The following MYO3B variants were observed in gnomAD, a reference collection of about 807,000 sequenced individuals.
The protein encoded by MYO3B is myosin-IIIb.
In MYO3B, 156 loss-of-function variants were observed where a neutral mutation model predicts 174.6. That is an observed-to-expected ratio of 0.89 (90% CI 0.78 to 1.02). MYO3B has a LOEUF of 1.02. Ranked by LOEUF, MYO3B falls within the 50% of genes least tolerant of loss-of-function variation. The pLI is 0.00. For missense variants in MYO3B, 1,632 were observed against 1,639.4 expected (o/e 1.00, Z 0.08); for synonymous variants, 563 against 569.1 (o/e 0.99, Z 0.15).
rs2092808470 is a variant in MYO3B, at chr2:170,214,674, T to C, written c.427-55T>C. ...TAGGGTAATTGCTTTAAAATAAGCATGTAAATTTCCCCTTTCTCTTTCCTG... is the reference window on the plus strand; with the variant it reads ...TAGGGTAATTGCTTTAAAATAAGCACGTAAATTTCCCCTTTCTCTTTCCTG... On this transcript the variant is annotated intron_variant, in intron 4 of 34. Coordinates refer to ENST00000408978, the MANE Select transcript of MYO3B (RefSeq NM_138995.5). The C allele has an allele frequency of 5.9e-6, 9 of 1,516,232 alleles. No homozygotes were observed. The East Asian group carries it at 1.6e-4, about 27-fold the overall frequency. The allele number at this position is 1,516,232 out of a possible 1,614,324, so 93.9% of individuals were successfully genotyped here.
At chr2:170,566,429 A>G (rs1692082134) in intron 32 of MYO3B, among the ~76,000 whole-genome samples, 1 of 152,194 alleles carries the variant, frequency 6.6e-6, no homozygotes, top group Admixed American at 6.5e-5. Flanking sequence ...GTAGGCAATA[A>G]TGTTAAAATA....
intron 14 of MYO3B, among the ~76,000 whole-genome samples, chr2:170,387,862 A>G (rs1288241892): frequency 6.6e-6 from 1 of 152,082 alleles, no homozygotes; most frequent in African/African-American, 2.4e-5. Context: ...TGCTGACCTC[A>G]TGGGTTTGTT....
At chr2:170,225,900 G>A (rs2092947189) in intron 6 of MYO3B, among the ~76,000 whole-genome samples, 1 of 152,240 alleles carries the variant, frequency 6.6e-6, no homozygotes, top group African/African-American at 2.4e-5. Context: ...GGTGGCATAT[G>A]TTGCCCCTAT....
intron 7 of MYO3B, among the ~76,000 whole-genome samples, chr2:170,268,994 T>C (rs1200914530): frequency 6.6e-6 from 1 of 152,212 alleles, no homozygotes; most frequent in African/African-American, 2.4e-5. Context: ...AAGTGCGTGA[T>C]AGGTGCACTT....
intron 7 of MYO3B, among the ~76,000 whole-genome samples, chr2:170,252,373 C>A (rs952537140): frequency 7.2e-5 from 11 of 152,094 alleles, no homozygotes; most frequent in Admixed American, 7.2e-4. Flanking sequence ...GAAAGAATGA[C>A]CTTAGGTGAA....
chr2:170,588,862 G>C (rs1693649850), intron 32 of MYO3B, among the ~76,000 whole-genome samples: 1 of 152,158 alleles, frequency 6.6e-6, no homozygotes. Context: ...TGTCACCAAA[G>C]AATCTATGAA....
intron 7 of MYO3B, among the ~76,000 whole-genome samples, chr2:170,242,682 AGCT>A (rs2093147535): frequency 1.3e-5 from 2 of 152,268 alleles, no homozygotes; most frequent in Admixed American, 1.3e-4. Context: ...CTGAGTAAGA[AGCT>A]CACCCTGAGA....
In MYO3B at chr2:170,379,115, A is replaced by G. The variant is rs118156833; in HGVS notation, c.972-2901A>G. Among the ~76,000 whole-genome samples, 298 of 152,270 alleles carry G rather than the reference A, an allele frequency of 2.0e-3. 5 individuals carry two copies. Among genetic ancestry groups the G allele is most frequent in the Admixed American group, 0.016 (247 of 15,296 alleles). On this transcript the variant is annotated intron_variant, in intron 9 of 34. Transcript: ENST00000408978. ...CAAATGATGTGCAGAATATGCAATT[A>G]TAAGATATAAATGTAGGAAGGAGAC...
In MYO3B at chr2:170,501,767, A is replaced by G; in HGVS notation, c.3290-18A>G. 1.3e-6 allele frequency: 2 copies of G among 1,559,200 alleles called. No homozygotes were observed. Among genetic ancestry groups the G allele is most frequent in the East Asian group, 2.2e-5 (1 of 44,630 alleles). On this transcript the variant is annotated intron_variant, in intron 27 of 34. Coordinates refer to ENST00000408978, the MANE Select transcript of MYO3B (RefSeq NM_138995.5). ...CTTAAATTAATGTCATTCCTAGCAC[A>G]TGGTTTTATATTTTTAGCCTGGAGA...
intron 7 of MYO3B, among the ~76,000 whole-genome samples, chr2:170,254,184 G>T (rs2093282531): frequency 6.6e-6 from 1 of 152,100 alleles, no homozygotes; most frequent in African/African-American, 2.4e-5. Flanking sequence ...ACAAACTTCT[G>T]GGATCCCAGC....
intron 7 of MYO3B, among the ~76,000 whole-genome samples, chr2:170,312,283 A>G (rs910677382): frequency 6.6e-6 from 1 of 152,252 alleles, no homozygotes; most frequent in African/African-American, 2.4e-5. Flanking sequence ...AATTGATAGA[A>G]GGGAGCTGAA....
chr2:170,247,434 A>C (rs1175401202), intron 7 of MYO3B, among the ~76,000 whole-genome samples: 1 of 152,230 alleles, frequency 6.6e-6, no homozygotes, highest in Non-Finnish European at 1.5e-5. Flanking sequence ...GCATCCTGAC[A>C]TCATGCTTCA....
At chr2:170,218,221 G>A (rs1014983389) in intron 6 of MYO3B, among the ~76,000 whole-genome samples, 5 of 152,012 alleles carry the variant, frequency 3.3e-5, no homozygotes, top group Non-Finnish European at 7.4e-5. Context: ...GACCTCCCCC[G>A]CCTCCCATCA....
intron 8 of MYO3B, among the ~76,000 whole-genome samples, chr2:170,366,144 C>T (rs78371816): frequency 0.035 from 5,346 of 152,110 alleles, 140 homozygotes; most frequent in East Asian, 0.1. Flanking sequence ...CTAATAAAAC[C>T]CTATATCTCA....
At chr2:170,298,622 C>A (rs1472975876) in intron 7 of MYO3B, among the ~76,000 whole-genome samples, 1 of 146,226 alleles carries the variant, frequency 6.8e-6, no homozygotes, top group South Asian at 2.2e-4. Context: ...TGCAGTGAGC[C>A]GAGATCACGC....
At chr2:170,600,522 A>G (rs1400932084) in intron 32 of MYO3B, among the ~76,000 whole-genome samples, 2 of 152,080 alleles carry the variant, frequency 1.3e-5, no homozygotes, top group African/African-American at 4.8e-5. Flanking sequence ...AAACCATAAT[A>G]TGGGAAAATA....
intron 32 of MYO3B, among the ~76,000 whole-genome samples, chr2:170,598,787 A>G (rs779175180): frequency 6.6e-6 from 1 of 152,244 alleles, no homozygotes; most frequent in African/African-American, 2.4e-5. Context: ...TTCAGAATCT[A>G]TAAAATGGTA....
Position 170,600,800 on chromosome 2 carries a change from G to A in MYO3B, c.3734-50828G>A, listed in dbSNP as rs1241818139. 2.6e-5 allele frequency among the ~76,000 whole-genome samples: 4 copies of A among 152,172 alleles called. No homozygotes were observed. The East Asian group carries it at 7.7e-4, about 29-fold the overall frequency. On this transcript the variant is annotated intron_variant, in intron 32 of 34. Coordinates refer to ENST00000408978, the MANE Select transcript of MYO3B (RefSeq NM_138995.5). ...ACATGGTAATGGGAGTTAAAGAATA[G>A]AGTCCTCATGTAAAGGATAAAGCAT...
intron 3 of MYO3B, among the ~76,000 whole-genome samples, chr2:170,210,064 A>G (rs538068353): frequency 3.3e-5 from 5 of 152,310 alleles, no homozygotes; most frequent in Admixed American, 6.5e-5. Flanking sequence ...CAGATTACCA[A>G]AAGTTATTTA....
Sources: allele counts gnomAD v4.1 joint callset (sites outside exome capture counted in the v4.1 genomes callset), GRCh38; gene constraint gnomAD v4.1.1; transcripts MANE v1.5; gene names NCBI Gene and HGNC (gene_info 2026-07-23, HGNC 2026-07-21).